Variants in ZNF787 observed in about 807,000 individuals in gnomAD.
ZNF787 encodes the protein TTF-I-interacting peptide 20.
ZNF787 carries 7 observed loss-of-function variants against 16.9 expected under a neutral mutation model. That is an observed-to-expected ratio of 0.42 (90% CI 0.24 to 0.78). ZNF787 has a LOEUF of 0.78. Ranked by LOEUF, ZNF787 falls within the 30% of genes least tolerant of loss-of-function variation. The pLI is 0.30. For missense variants in ZNF787, 551 were observed against 589.3 expected (o/e 0.94, Z 0.67); for synonymous variants, 345 against 270.9 (o/e 1.27, Z -2.69).
Position 56,089,131 on chromosome 19 carries a change from G to A in ZNF787, c.80-39C>T, listed in dbSNP as rs1053108543. ...GGGTAGGGGGAGGTGAGTCAAGAGA[G>A]GCAAGGGCTCCACGCCTGCCTTGGC... On this transcript the variant is annotated intron_variant, in intron 2 of 2. Coordinates refer to ENST00000610935, the MANE Select transcript of ZNF787 (RefSeq NM_001002836.4). The A allele has an allele frequency of 4.3e-6, 6 of 1,405,766 alleles. No homozygotes were observed. The African/African-American group carries it at 7.4e-5, about 17-fold the overall frequency. 87.1% of individuals were successfully genotyped at this position (1,405,766 alleles called of 1,614,324 possible).
At position 56,088,294 on chromosome 19, in the gene ZNF787, G is replaced by T. The variant is rs1016781759; in HGVS notation, c.878C>A (p.Ala293Asp). The change falls in exon 3 of 3, where the codon GCC (alanine) becomes GAC (aspartate). Residue 293 changes from alanine to aspartate, a missense_variant. Ala to Asp is a moderately radical substitution (Grantham distance 126). Transcript: ENST00000610935. The surrounding 1 kb of genome is among the most constrained non-coding windows in gnomAD (Gnocchi z 8.6). ...GGCCCGCTGGTGCGCCAGGAGCCCG[G>T]CCCCGTGCCCGAAGCCCTTCCCGCA... ...LECGKGFGHG[A>D]GLLAHQRAQH... 2.9e-6 allele frequency: 4 copies of T among 1,357,894 alleles called. No individual in the cohort carries two copies. The highest frequency in any genetic ancestry group is 2.8e-6 in the Non-Finnish European group (3 of 1,059,146). The allele number at this position is 1,357,894 out of a possible 1,614,324, so 84.1% of individuals were successfully genotyped here.
At chr19:56,115,181 C>G (rs1314935240) in intron 1 of ZNF787, among the ~76,000 whole-genome samples, 2 of 151,974 alleles carry the variant, frequency 1.3e-5, no homozygotes, top group Admixed American at 1.3e-4. Flanking sequence ...TCTACAGTGA[C>G]TGGTCTGCGT....
In ZNF787 at chr19:56,117,030, G is replaced by A. The variant is rs140264621; in HGVS notation, c.-11+4142C>T. Among the ~76,000 whole-genome samples, 215 of 152,300 alleles carry A rather than the reference G, an allele frequency of 1.4e-3. 1 individual carries two copies. The highest frequency in any genetic ancestry group is 3.7e-3 in the Admixed American group (56 of 15,306). ...CCAGCACAGGGACAAGAGGACAGCC[G>A]TTCTGGGCAGGGCAGGGTGGGATCT... On this transcript the variant is annotated intron_variant, in intron 1 of 2. Transcript: ENST00000610935.
In ZNF787 at chr19:56,087,802, C is replaced by G. The variant is rs547524018; in HGVS notation, c.*221G>C. On this transcript the variant is annotated 3_prime_UTR_variant, in exon 3 of 3. Coordinates refer to ENST00000610935, the MANE Select transcript of ZNF787 (RefSeq NM_001002836.4). ...GGCCGATAACTTAGGAAGGGCGGGC[C>G]AGGCTGAGGGGGCAGAGTCTCGAGG... 1 of 693,926 alleles carries G rather than the reference C, an allele frequency of 1.4e-6. No homozygotes were observed. The highest frequency in any genetic ancestry group is 1.9e-5 in the African/African-American group (1 of 53,028). The allele number at this position is 693,926 out of a possible 1,614,324, so 43.0% of individuals were successfully genotyped here. A position where few individuals can be genotyped will look rare whatever the true frequency, so the allele number is the denominator to read the frequency against.
At chr19:56,093,806 C>T (rs1433119575) in intron 2 of ZNF787, among the ~76,000 whole-genome samples, 3 of 152,190 alleles carry the variant, frequency 2.0e-5, no homozygotes, top group South Asian at 2.1e-4. Context: ...CACGAAGGAT[C>T]GGTGACTTCC....
intron 1 of ZNF787, among the ~76,000 whole-genome samples, chr19:56,115,354 C>CCTTTT (rs2030101957): frequency 8.8e-6 from 1 of 113,166 alleles, no homozygotes; most frequent in African/African-American, 3.7e-5. Context: ...GATTTCGCTG[C>CCTTTT]TTTTTTTTTT....
rs979927490 is a variant in ZNF787 at position 56,089,614 on chromosome 19, A to C, written c.80-522T>G. Among the ~76,000 whole-genome samples, 3 of 152,252 alleles carry C rather than the reference A, an allele frequency of 2.0e-5. No homozygotes were observed. In the East Asian group the frequency reaches 5.8e-4, roughly 29 times the overall value. On this transcript the variant is annotated intron_variant, in intron 2 of 2. Coordinates refer to ENST00000610935, the MANE Select transcript of ZNF787 (RefSeq NM_001002836.4). The stretch of plus-strand genomic sequence containing the variant: ...AGCGATGGTGTCACATTCGGGCTCC[A>C]GGAAGACAATCCTGGCTGCAGACAG...
At chr19:56,091,942 A>G (rs62122406) in intron 2 of ZNF787, among the ~76,000 whole-genome samples, 1,635 of 55,846 alleles carry the variant, frequency 0.029, 24 homozygotes, top group South Asian at 0.084. Flanking sequence ...AGCCGAAGCC[A>G]AAGCCAAAGC....
At chr19:56,101,351 G>A (rs533640) in intron 2 of ZNF787, among the ~76,000 whole-genome samples, 137,500 of 152,344 alleles carry the variant, frequency 0.9, 62,848 homozygotes, top group Non-Finnish European at 0.99. Flanking sequence ...CTCCAGAGGC[G>A]GCGCCAAGCG....
intron 2 of ZNF787, 68 bp from the exon 3 acceptor site, chr19:56,089,160 T>A: frequency 8.0e-7 from 1 of 1,256,744 alleles, no homozygotes. Flanking sequence ...CCTTGGCTGC[T>A]ACGCTGGCCT....
chr19:56,087,800 G>T lies in ZNF787; in HGVS notation c.*223C>A, dbSNP rs753042442. 7.4e-6 allele frequency: 5 copies of T among 674,216 alleles called. No individual in the cohort carries two copies. In the East Asian group the frequency reaches 1.7e-4, roughly 23 times the overall value. The allele number at this position is 674,216 out of a possible 1,614,324, so 41.8% of individuals were successfully genotyped here. ...CAGGCCGATAACTTAGGAAGGGCGG[G>T]CCAGGCTGAGGGGGCAGAGTCTCGA... On this transcript the variant is annotated 3_prime_UTR_variant, in exon 3 of 3. Transcript: ENST00000610935.
intron 1 of ZNF787, among the ~76,000 whole-genome samples, chr19:56,108,132 A>G (rs1339125985): frequency 2.0e-5 from 3 of 151,900 alleles, no homozygotes; most frequent in African/African-American, 7.3e-5. Flanking sequence ...AGAGCCACAG[A>G]GACTCCCAGG....
At chr19:56,120,461 T>C (rs1485443534) in intron 1 of ZNF787, among the ~76,000 whole-genome samples, 1 of 152,126 alleles carries the variant, frequency 6.6e-6, no homozygotes, top group African/African-American at 2.4e-5. Context: ...GTGGCTGACC[T>C]TGGCCCAGTC....
chr19:56,119,742 T>C (rs1382967574), intron 1 of ZNF787, among the ~76,000 whole-genome samples: 2 of 152,112 alleles, frequency 1.3e-5, no homozygotes, highest in East Asian at 3.9e-4. Flanking sequence ...AGACATGAGA[T>C]AAGCAAGCAG....
At position 56,108,053 on chromosome 19, in the gene ZNF787, C is replaced by T. The variant is rs553475324; in HGVS notation, c.-10-4826G>A. On this transcript the variant is annotated intron_variant, in intron 1 of 2. Coordinates refer to ENST00000610935, the MANE Select transcript of ZNF787 (RefSeq NM_001002836.4). ...CATGAGGCCGGCAGGGCGAGACCCT[C>T]GGGTCCCCTGCAACACGTGAAGGGC... Among the ~76,000 whole-genome samples the T allele has an allele frequency of 3.3e-5, 5 of 152,166 alleles. No individual in the cohort carries two copies. In the East Asian group the frequency reaches 5.8e-4, roughly 18 times the overall value.
intron 2 of ZNF787, chr19:56,102,693 G>C (rs1373928029): frequency 1.8e-6 from 1 of 546,188 alleles, no homozygotes; most frequent in Non-Finnish European, 3.2e-6. Context: ...TGAAAAGTCG[G>C]CATCAGCCTG....
chr19:56,112,428 C>T (rs971632551), intron 1 of ZNF787, among the ~76,000 whole-genome samples: 1 of 152,146 alleles, frequency 6.6e-6, no homozygotes, highest in African/African-American at 2.4e-5. Context: ...GCGTTCCCCT[C>T]GCCCCAGCCC....
intron 1 of ZNF787, among the ~76,000 whole-genome samples, chr19:56,111,257 G>A (rs1161090481): frequency 6.6e-6 from 1 of 152,186 alleles, no homozygotes; most frequent in Non-Finnish European, 1.5e-5. Context: ...AATGGCGCCA[G>A]GAGGGAGGGG....
intron 2 of ZNF787, among the ~76,000 whole-genome samples, chr19:56,091,365 G>A (rs1007073136): frequency 3.9e-5 from 6 of 152,212 alleles, no homozygotes; most frequent in East Asian, 1.9e-4. Context: ...ATGACGACAT[G>A]AATTCTGAAC....
Sources: gnomAD v4.1 joint callset for allele counts (sites outside exome capture counted in the v4.1 genomes callset) on GRCh38, gnomAD v4.1.1 for gene constraint, Gnocchi (gnomAD v3.1) non-coding constraint, MANE v1.5 for transcripts, NCBI Gene and HGNC (gene_info 2026-07-23, HGNC 2026-07-21) for gene names.